Variants in FRMPD4 observed in about 807,000 individuals in gnomAD.
The protein encoded by FRMPD4 is FERM and PDZ domain containing 4, also known as FERM and PDZ domain-containing protein 4.
A neutral mutation model predicts 94.1 loss-of-function variants in FRMPD4; 22 were observed. That is an observed-to-expected ratio of 0.23 (90% confidence interval 0.17 to 0.33). The LOEUF (loss-of-function observed/expected upper bound fraction) is 0.33, where lower values mean the gene tolerates loss of function less well. Among genes scored for constraint, FRMPD4 ranks in the 10% least tolerant of loss-of-function variants. FRMPD4 has a pLI of 1.00. For synonymous variants in FRMPD4, 631 were observed against 548.6 expected, an observed-to-expected ratio of 1.15 and a Z score of -2.10; for missense variants, 1,111 against 1,339.9, an observed-to-expected ratio of 0.83 and a Z score of 2.67.
chrX:12,506,328 C>T (rs750532238), intron 2 of FRMPD4, among the ~76,000 whole-genome samples: 57 of 111,364 alleles, frequency 5.1e-4, no homozygotes, highest in African/African-American at 1.6e-3. Flanking sequence ...CTCTCTCTGT[C>T]GCCAGGCTGG....
chrX:12,503,336 A>G (rs999979882), intron 2 of FRMPD4, among the ~76,000 whole-genome samples: 1 of 111,637 alleles, frequency 9.0e-6, no homozygotes, highest in Non-Finnish European at 1.9e-5. Flanking sequence ...TGTGTACACA[A>G]AAAGTAGCCC....
In FRMPD4 at chrX:12,138,814, C is replaced by T; in HGVS notation, c.-158C>T. 1.3e-5 allele frequency: 5 copies of T among 383,681 alleles called. No individual in the cohort carries two copies. Among genetic ancestry groups the T allele is most frequent in the Non-Finnish European group, 2.2e-5 (5 of 230,032 alleles). The allele number at this position is 383,681 out of a possible 1,213,427, so 31.6% of individuals were successfully genotyped here. A position where few individuals can be genotyped will look rare whatever the true frequency, so the allele number is the denominator to read the frequency against. ...GGAGGGGGGTAGCAGCCGCCGCCTC[C>T]AGGTGCAGGTTCTCTCCGGCCGCCG... On this transcript the variant is annotated 5_prime_UTR_variant, in exon 1 of 17. Coordinates refer to ENST00000675598, the MANE Select transcript of FRMPD4 (RefSeq NM_001368397.1).
intron 3 of FRMPD4, among the ~76,000 whole-genome samples, chrX:11,990,340 C>A (rs1188344499): frequency 8.9e-6 from 1 of 112,053 alleles, no homozygotes; most frequent in Non-Finnish European, 1.9e-5. Context: ...GTGGGTACAT[C>A]CCCCATTGGG....
At chrX:12,659,838 A>G (rs1010241198) in intron 4 of FRMPD4, among the ~76,000 whole-genome samples, 1 of 112,577 alleles carries the variant, frequency 8.9e-6, no homozygotes, top group Non-Finnish European at 1.9e-5. Context: ...GCCAGAGACA[A>G]TATTCATTCA....
chrX:12,236,580 T>A (rs2057073327), intron 1 of FRMPD4, among the ~76,000 whole-genome samples: 1 of 111,983 alleles, frequency 8.9e-6, no homozygotes, highest in African/African-American at 3.2e-5. Context: ...TTATATAATT[T>A]TAATGATTAT....
chrX:12,210,378 G>A (rs2056740764), intron 1 of FRMPD4, among the ~76,000 whole-genome samples: 1 of 111,352 alleles, frequency 9.0e-6, no homozygotes, highest in African/African-American at 3.3e-5. Flanking sequence ...CAGCTTGAAT[G>A]AGCACAGGCC....
At chrX:12,351,041 G>C (rs1249127330) in intron 1 of FRMPD4, among the ~76,000 whole-genome samples, 1 of 110,684 alleles carries the variant, frequency 9.0e-6, no homozygotes, top group South Asian at 3.8e-4. Flanking sequence ...GGGTGTGGTG[G>C]CGCGTGCCTG....
intron 1 of FRMPD4, among the ~76,000 whole-genome samples, chrX:12,249,897 T>C (rs1213366676): frequency 8.9e-6 from 1 of 111,786 alleles, no homozygotes; most frequent in African/African-American, 3.3e-5. Context: ...TGTGTAGTGG[T>C]TGGCAATATT....
chrX:12,070,896 G>A (rs775131633), intron 3 of FRMPD4, among the ~76,000 whole-genome samples: 1 of 112,329 alleles, frequency 8.9e-6, no homozygotes, highest in Admixed American at 9.4e-5. Flanking sequence ...CAAACCACTG[G>A]TTTCATCACA....
chrX:12,352,375 A>G (rs2055827978), intron 1 of FRMPD4, among the ~76,000 whole-genome samples: 1 of 112,367 alleles, frequency 8.9e-6, no homozygotes, highest in African/African-American at 3.2e-5. Flanking sequence ...CTCGACTCAC[A>G]TGTTTTGCTT....
chrX:12,620,488 A>T (rs56952308), intron 4 of FRMPD4, among the ~76,000 whole-genome samples: 3,009 of 112,386 alleles, frequency 0.027, 92 homozygotes, highest in African/African-American at 0.091. Flanking sequence ...CCCAGGGATC[A>T]GGTGGAAGCT....
chrX:12,426,139 TG>T (rs2056942555), intron 1 of FRMPD4, among the ~76,000 whole-genome samples: 1 of 112,497 alleles, frequency 8.9e-6, no homozygotes, highest in African/African-American at 3.2e-5. Flanking sequence ...TGAGGAAGAC[TG>T]GGATTCCCAG....
At chrX:11,972,657 C>T (rs860758) in intron 3 of FRMPD4, among the ~76,000 whole-genome samples, 1 of 112,205 alleles carries the variant, frequency 8.9e-6, no homozygotes, top group African/African-American at 3.2e-5. Flanking sequence ...CTCCTCTTTC[C>T]TCATCTGACA....
chrX:11,853,816 C>T (rs1419703353), intron 1 of FRMPD4, among the ~76,000 whole-genome samples: 1 of 112,072 alleles, frequency 8.9e-6, no homozygotes, highest in African/African-American at 3.2e-5. Context: ...AGAGCTGGTA[C>T]TGTTCCTACT....
At chrX:12,457,376 G>T (rs2057344822) in intron 1 of FRMPD4, among the ~76,000 whole-genome samples, 1 of 111,536 alleles carries the variant, frequency 9.0e-6, no homozygotes, top group African/African-American at 3.3e-5. Flanking sequence ...CATGAAGAAA[G>T]ATATCCAAAA....
chrX:11,999,738 G>C (rs780754779), intron 3 of FRMPD4, among the ~76,000 whole-genome samples: 4 of 111,962 alleles, frequency 3.6e-5, no homozygotes, highest in African/African-American at 1.3e-4. Flanking sequence ...TTAAAAGGTA[G>C]AAAGCAAATC....
chrX:12,211,414 C>G (rs1262537719), intron 1 of FRMPD4, among the ~76,000 whole-genome samples: 1 of 112,275 alleles, frequency 8.9e-6, no homozygotes, highest in Non-Finnish European at 1.9e-5. Flanking sequence ...AGGGAAACCT[C>G]TGCAGATGGA....
intron 3 of FRMPD4, among the ~76,000 whole-genome samples, chrX:11,926,488 C>T (rs190047212): frequency 2.3e-4 from 26 of 111,640 alleles, no homozygotes; most frequent in African/African-American, 7.8e-4. Context: ...TCTCAATGAA[C>T]ATTGATGTAA....
intron 3 of FRMPD4, among the ~76,000 whole-genome samples, chrX:12,043,733 C>T (rs1259394203): frequency 8.9e-6 from 1 of 111,894 alleles, no homozygotes; most frequent in South Asian, 3.8e-4. Flanking sequence ...CATTTTCTTC[C>T]TACATCTTGA....
Sources: gnomAD v4.1 joint callset for allele counts (sites outside exome capture counted in the v4.1 genomes callset) on GRCh38, gnomAD v4.1.1 for gene constraint, MANE v1.5 for transcripts, NCBI Gene and HGNC (gene_info 2026-07-23, HGNC 2026-07-21) for gene names.